UBE2QL1: variants seen among roughly 807,000 people sequenced by gnomAD.
The protein encoded by UBE2QL1 is ubiquitin-conjugating enzyme E2Q-like protein 1.
In UBE2QL1, 5 loss-of-function variants were observed where a neutral mutation model predicts 12.6. The observed-to-expected ratio is 0.40, with a 90% CI of 0.21 to 0.83. The LOEUF is 0.83. UBE2QL1 is among the 40% of genes least tolerant of loss of function. The pLI is 0.37. For synonymous variants in UBE2QL1, 96 were observed against 94.5 expected (o/e 1.02, Z -0.10); for missense variants, 99 against 222.6 (o/e 0.44, Z 3.53).
In UBE2QL1 at chr5:6,481,657, C is replaced by T. The variant is rs1036673005; in HGVS notation, c.355-9561C>T. On this transcript the variant is annotated intron_variant, in intron 1 of 1. Coordinates refer to ENST00000399816, the MANE Select transcript of UBE2QL1 (RefSeq NM_001145161.3). The surrounding 1 kb of genome is among the most constrained non-coding windows in gnomAD (Gnocchi z 4.5). ...CCTGGGTCAGAAGCCTGGAGTGGCTCGGGCCTCCCACTGATCCTTCCCCCA... is the reference window on the plus strand; with the variant it reads ...CCTGGGTCAGAAGCCTGGAGTGGCTTGGGCCTCCCACTGATCCTTCCCCCA... 1.3e-5 allele frequency among the ~76,000 whole-genome samples: 2 copies of T among 152,198 alleles called. No homozygotes were observed. Among genetic ancestry groups the T allele is most frequent in the African/African-American group, 2.4e-5 (1 of 41,456 alleles).
chr5:6,467,755 C>T (rs539682334), intron 1 of UBE2QL1, among the ~76,000 whole-genome samples: 12 of 152,268 alleles, frequency 7.9e-5, no homozygotes, highest in African/African-American at 2.2e-4. Context: ...CGGGCCCCAC[C>T]GCCCCAGCCT....
rs1395647426 is a variant in UBE2QL1 at position 6,476,435 on chromosome 5, C to T, written c.355-14783C>T. ...TTTTAAGAATGTGTTTGGAGTTTGC[C>T]CTCTGGGTCACGGGGCTGCTGGGTC... On this transcript the variant is annotated intron_variant, in intron 1 of 1. Transcript: ENST00000399816. This position sits in a 1 kb window ranked among gnomAD's most constrained non-coding sequence, Gnocchi z 4.9. Among the ~76,000 whole-genome samples the T allele has an allele frequency of 6.6e-6, 1 of 152,104 alleles. No homozygotes were observed. Among genetic ancestry groups the T allele is most frequent in the Admixed American group, 6.5e-5 (1 of 15,276 alleles).
At chr5:6,457,900 C>T (rs997725098) in intron 1 of UBE2QL1, among the ~76,000 whole-genome samples, 8 of 152,210 alleles carry the variant, frequency 5.3e-5, no homozygotes, top group African/African-American at 1.4e-4. Context: ...CACGAGAGGA[C>T]GGATGGTGCA....
At position 6,481,128 on chromosome 5, in the gene UBE2QL1, T is replaced by G. The variant is rs1157338875; in HGVS notation, c.355-10090T>G. Among the ~76,000 whole-genome samples, 1 of 152,168 alleles carries G rather than the reference T, an allele frequency of 6.6e-6. No homozygotes were observed. The highest frequency in any genetic ancestry group is 1.5e-5 in the Non-Finnish European group (1 of 68,024). Reference sequence around the variant, plus strand: ...TTTCAAGAGTTGGCCCGGAGCGTGCTTCTCGGGCCATTTCACCTGTGCACG... The same window carrying G: ...TTTCAAGAGTTGGCCCGGAGCGTGCGTCTCGGGCCATTTCACCTGTGCACG... On this transcript the variant is annotated intron_variant, in intron 1 of 1. Coordinates refer to ENST00000399816, the MANE Select transcript of UBE2QL1 (RefSeq NM_001145161.3). This position sits in a 1 kb window ranked among gnomAD's most constrained non-coding sequence, Gnocchi z 4.5.
At chr5:6,458,613 A>G (rs1560928371) in intron 1 of UBE2QL1, among the ~76,000 whole-genome samples, 2 of 152,152 alleles carry the variant, frequency 1.3e-5, no homozygotes, top group African/African-American at 2.4e-5. Flanking sequence ...TTCCCGTAAG[A>G]TGTCTGTCAG....
At chr5:6,456,198 T>G (rs1739519231) in intron 1 of UBE2QL1, among the ~76,000 whole-genome samples, 1 of 152,202 alleles carries the variant, frequency 6.6e-6, no homozygotes, top group African/African-American at 2.4e-5. Flanking sequence ...ACATTTGCTT[T>G]TGACCTGCCA....
intron 1 of UBE2QL1, among the ~76,000 whole-genome samples, chr5:6,449,876 CACA>C (rs1560925338): frequency 1.5e-5 from 2 of 132,032 alleles, no homozygotes; most frequent in African/African-American, 2.9e-5. Flanking sequence ...CAACCCCCCC[CACA>C]CACACACACA....
intron 1 of UBE2QL1, among the ~76,000 whole-genome samples, chr5:6,453,396 C>G (rs1015747739): frequency 2.0e-5 from 3 of 152,208 alleles, no homozygotes; most frequent in Non-Finnish European, 2.9e-5. Flanking sequence ...TTGTGATAAT[C>G]CTTTCTATCC....
At chr5:6,470,099 C>G (rs1358924930) in intron 1 of UBE2QL1, among the ~76,000 whole-genome samples, 1 of 152,128 alleles carries the variant, frequency 6.6e-6, no homozygotes, top group Non-Finnish European at 1.5e-5. Flanking sequence ...CCTCTAAAGG[C>G]TCATGGTTAT....
chr5:6,451,808 CT>C (rs1221718879), intron 1 of UBE2QL1, among the ~76,000 whole-genome samples: 1 of 152,170 alleles, frequency 6.6e-6, no homozygotes, highest in African/African-American at 2.4e-5. Context: ...TCTTTATGTA[CT>C]TTTGCAAATT....
chr5:6,489,684 G>A lies in UBE2QL1; in HGVS notation c.355-1534G>A, dbSNP rs114261808. 3.2e-3 allele frequency among the ~76,000 whole-genome samples: 488 copies of A among 152,342 alleles called. 1 individual carries two copies. Among genetic ancestry groups the A allele is most frequent in the African/African-American group, 0.011 (465 of 41,572 alleles). On this transcript the variant is annotated intron_variant, in intron 1 of 1. Coordinates refer to ENST00000399816, the MANE Select transcript of UBE2QL1 (RefSeq NM_001145161.3). ...TCCACGTTTCAGGTGGTTGGGCACC[G>A]TCTGCCCAGTAGATTTAGAGGCCAT...
intron 1 of UBE2QL1, among the ~76,000 whole-genome samples, chr5:6,465,596 C>T (rs899761732): frequency 7.2e-5 from 11 of 152,180 alleles, no homozygotes; most frequent in Admixed American, 2.6e-4. Flanking sequence ...CGCTTTGCAC[C>T]TCGTTTCAAC....
chr5:6,461,264 G>A (rs1473980429), intron 1 of UBE2QL1, among the ~76,000 whole-genome samples: 3 of 152,136 alleles, frequency 2.0e-5, no homozygotes, highest in Admixed American at 1.3e-4. Context: ...GAGGCCTTGA[G>A]CATTGACCCA....
Position 6,478,194 on chromosome 5 carries a change from A to G in UBE2QL1, c.355-13024A>G, listed in dbSNP as rs1734279944. Among the ~76,000 whole-genome samples the G allele has an allele frequency of 6.6e-6, 1 of 152,244 alleles. No homozygotes were observed. Among genetic ancestry groups the G allele is most frequent in the Non-Finnish European group, 1.5e-5 (1 of 68,038 alleles). ...TCACACGGAAATTTTACCTGAAAAT[A>G]TATCTGAAGACTTCCAGTGGTTCCA... On this transcript the variant is annotated intron_variant, in intron 1 of 1. Transcript: ENST00000399816. This position sits in a 1 kb window ranked among gnomAD's most constrained non-coding sequence, Gnocchi z 4.5.
intron 1 of UBE2QL1, among the ~76,000 whole-genome samples, chr5:6,487,225 G>A (rs2126372758): frequency 6.6e-6 from 1 of 152,304 alleles, no homozygotes; most frequent in Non-Finnish European, 1.5e-5. Flanking sequence ...CTTATTAGCT[G>A]TGTTGAAATG....
chr5:6,462,934 C>T (rs1739706113), intron 1 of UBE2QL1, among the ~76,000 whole-genome samples: 1 of 152,238 alleles, frequency 6.6e-6, no homozygotes, highest in Non-Finnish European at 1.5e-5. Context: ...ACTAAGGCGT[C>T]AAGCACAGTT....
intron 1 of UBE2QL1, among the ~76,000 whole-genome samples, chr5:6,456,365 C>T (rs1227859658): frequency 6.6e-6 from 1 of 152,178 alleles, no homozygotes; most frequent in South Asian, 2.1e-4. Flanking sequence ...AGAGGAAACA[C>T]TCTACTTAAG....
intron 1 of UBE2QL1, among the ~76,000 whole-genome samples, chr5:6,484,911 C>T (rs780511890): frequency 6.6e-6 from 1 of 152,054 alleles, no homozygotes; most frequent in Admixed American, 6.6e-5. Context: ...GGGCTCCCTC[C>T]ACTCAGCCAA....
chr5:6,480,148 G>A lies in UBE2QL1; in HGVS notation c.355-11070G>A, dbSNP rs913802254. Among the ~76,000 whole-genome samples, 52 of 152,192 alleles carry A rather than the reference G, an allele frequency of 3.4e-4. 1 individual carries two copies. The highest frequency in any genetic ancestry group is 1.0e-4 in the Non-Finnish European group (7 of 68,038). On this transcript the variant is annotated intron_variant, in intron 1 of 1. Transcript: ENST00000399816. The stretch of plus-strand genomic sequence containing the variant: ...CTTCTCTTACATCTGTGACCCTTCC[G>A]CACGTTTCTGAGAGCTGGCCTGGCC...
Sources: gnomAD v4.1 joint callset for allele counts (sites outside exome capture counted in the v4.1 genomes callset) on GRCh38, gnomAD v4.1.1 for gene constraint, Gnocchi (gnomAD v3.1) non-coding constraint, MANE v1.5 for transcripts, NCBI Gene and HGNC (gene_info 2026-07-23, HGNC 2026-07-21) for gene names.